Variants in PROSER3 observed in about 807,000 individuals in gnomAD.
PROSER3 encodes proline and serine rich 3, also known as proline and serine-rich protein 3.
In PROSER3, 33 loss-of-function variants were observed where a neutral mutation model predicts 50.2. That is an observed-to-expected ratio of 0.66 (90% CI 0.50 to 0.88). PROSER3 has a LOEUF of 0.88. Among genes scored for constraint, PROSER3 ranks in the 40% least tolerant of loss-of-function variants. PROSER3 has a pLI of 0.00. For missense variants in PROSER3, 623 were observed against 612.7 expected, an observed-to-expected ratio of 1.02 and a Z score of -0.18; for synonymous variants, 266 against 259.3, an observed-to-expected ratio of 1.03 and a Z score of -0.25.
intron 6 of PROSER3, 39 bp from the exon 7 acceptor site, chr19:35,764,995 C>T (rs748765328): frequency 5.6e-6 from 9 of 1,612,732 alleles, no homozygotes; most frequent in Non-Finnish European, 7.6e-6. Context: ...GCCCAGGTCT[C>T]GAGACCTCCA....
intron 5 of PROSER3, among the ~76,000 whole-genome samples, chr19:35,763,761 C>T (rs1971043652): frequency 6.6e-6 from 1 of 151,388 alleles, no homozygotes; most frequent in Non-Finnish European, 1.5e-5. Flanking sequence ...CCACCTCGGC[C>T]TCCCAAAGTG....
chr19:35,767,706 G>GC, intron 8 of PROSER3: 5 of 1,442,526 alleles, frequency 3.5e-6, no homozygotes, highest in African/African-American at 1.4e-5. Context: ...CACTTCGAGG[G>GC]CCCCCCTCCA....
At chr19:35,766,893 G>A (rs1282637397) in exon 8 of PROSER3, 12 of 1,552,980 alleles carry the variant, frequency 7.7e-6, no homozygotes, top group Non-Finnish European at 1.0e-5. Context: ...GCTTGAACAG[G>A]CTCAGGGAAG....
chr19:35,768,495 A>C (rs186908397), exon 11 of PROSER3: 6 of 1,598,080 alleles, frequency 3.8e-6, no homozygotes, highest in Non-Finnish European at 4.2e-6. Context: ...TAGGTCCCCA[A>C]GGAGGCTGCT....
chr19:35,758,199 G>A lies in PROSER3; in HGVS notation c.-17G>A, dbSNP rs1396049244. ...GTGAAGGAGCAGAGCGGCCGGAAGC[G>A]CGGAGGGAGCCGCGGGATGGACCGC... On this transcript the variant is annotated 5_prime_UTR_variant, in exon 1 of 11. Transcript: ENST00000396908. 5 of 1,559,440 alleles carry A rather than the reference G, an allele frequency of 3.2e-6. No homozygotes were observed. The South Asian group carries it at 5.9e-5, about 18-fold the overall frequency.
At chr19:35,767,722 G>A (rs1437071941) in intron 8 of PROSER3, 1 of 1,519,790 alleles carries the variant, frequency 6.6e-7, no homozygotes, top group East Asian at 2.3e-5. Context: ...CTCCACCCAA[G>A]GCTGGATCTC....
At chr19:35,759,566 G>T in intron 2 of PROSER3, 96 bp downstream of exon 2, 1 of 1,207,224 alleles carries the variant, frequency 8.3e-7, no homozygotes, top group South Asian at 1.4e-5. Context: ...ATAGGGATGA[G>T]AGATTTAAGA....
chr19:35,767,112 C>T (rs1971173897), intron 8 of PROSER3: 1 of 978,388 alleles, frequency 1.0e-6, no homozygotes, highest in Admixed American at 3.0e-5. Context: ...TCTCTGGGGA[C>T]CCAGCCTAAC....
exon 7 of PROSER3, chr19:35,765,175 C>T (rs376874928): frequency 1.9e-5 from 30 of 1,612,986 alleles, no homozygotes; most frequent in South Asian, 4.4e-5. Flanking sequence ...CCAGGGCACC[C>T]GGTAAGGGCT....
At chr19:35,760,240 CAG>C (rs1230896871) in intron 3 of PROSER3, among the ~76,000 whole-genome samples, 7 of 152,170 alleles carry the variant, frequency 4.6e-5, no homozygotes, top group Admixed American at 2.6e-4. Flanking sequence ...TGTTTAGAGA[CAG>C]GGTCTCGCTC....
intron 7 of PROSER3, among the ~76,000 whole-genome samples, chr19:35,766,394 A>C (rs1385298080): frequency 6.6e-6 from 1 of 151,996 alleles, no homozygotes; most frequent in Non-Finnish European, 1.5e-5. Flanking sequence ...AAAAAAATAA[A>C]AATTACCCCC....
chr19:35,767,913 C>A (rs754021457), exon 9 of PROSER3: 3 of 1,612,806 alleles, frequency 1.9e-6, no homozygotes, highest in East Asian at 2.2e-5. Context: ...GTCCCACTCT[C>A]TCCAGCTGAG....
chr19:35,765,208 C>A, intron 7 of PROSER3, 32 bp downstream of exon 7: 1 of 1,604,046 alleles, frequency 6.2e-7, no homozygotes, highest in Non-Finnish European at 8.5e-7. Context: ...CTGAGGGCAG[C>A]CTGGGTGCAA....
At chr19:35,767,321 C>T (rs1279846953) in intron 8 of PROSER3, 5 of 294,784 alleles carry the variant, frequency 1.7e-5, no homozygotes, top group Non-Finnish European at 2.5e-5. Flanking sequence ...CACCCTAGCA[C>T]ATCTGGGCTC....
intron 5 of PROSER3, among the ~76,000 whole-genome samples, chr19:35,763,740 T>C (rs1414508323): frequency 7.0e-6 from 1 of 143,650 alleles, no homozygotes; most frequent in Non-Finnish European, 1.5e-5. Context: ...TCTCCTGACC[T>C]TGTGATCCAC....
intron 5 of PROSER3, 190 bp downstream of exon 5, chr19:35,762,546 T>TAAAAA (rs3043403): frequency 4.4e-5 from 11 of 248,530 alleles, no homozygotes; most frequent in South Asian, 2.3e-4. Flanking sequence ...CTGCCTCTAC[T>TAAAAA]AAAAAAAAAA....
At chr19:35,759,203 C>T (rs1970870774) in intron 1 of PROSER3, 171 bp from the exon 2 acceptor site, 1 of 614,142 alleles carries the variant, frequency 1.6e-6, no homozygotes, top group Non-Finnish European at 2.9e-6. Flanking sequence ...GCTCCCAGGA[C>T]TCACCCTTCC....
At chr19:35,759,291 C>T in intron 1 of PROSER3, 83 bp from the exon 2 acceptor site, 1 of 1,043,170 alleles carries the variant, frequency 9.6e-7, no homozygotes, top group South Asian at 1.5e-5. Flanking sequence ...TGGGAATTGT[C>T]TGGTTCTGCC....
intron 2 of PROSER3, 25 bp from the exon 3 acceptor site, chr19:35,759,764 T>G (rs1970892918): frequency 6.5e-7 from 1 of 1,545,098 alleles, no homozygotes; most frequent in East Asian, 2.4e-5. Flanking sequence ...ACACTTTTTC[T>G]TCTTGTGCTC....
Sources: gnomAD v4.1 joint callset for allele counts (sites outside exome capture counted in the v4.1 genomes callset) on GRCh38, gnomAD v4.1.1 for gene constraint, MANE v1.5 for transcripts, NCBI Gene and HGNC (gene_info 2026-07-23, HGNC 2026-07-21) for gene names.